TINAG: variants seen among roughly 807,000 people sequenced by gnomAD.
TINAG encodes the protein tubulointerstitial nephritis antigen.
A neutral mutation model predicts 72.7 loss-of-function variants in TINAG; 83 were observed. That is an observed-to-expected ratio of 1.14 (90% CI 0.96 to 1.37). TINAG has a LOEUF of 1.37. TINAG is among the 40% of genes most tolerant of loss of function. The pLI is 0.00. For synonymous variants in TINAG, 234 were observed against 189.9 expected (o/e 1.23, Z -1.91); for missense variants, 685 against 576.6 (o/e 1.19, Z -1.93).
At chr6:54,315,041 A>G (rs1281832798) in intron 1 of TINAG, among the ~76,000 whole-genome samples, 2 of 152,146 alleles carry the variant, frequency 1.3e-5, no homozygotes, top group Admixed American at 6.6e-5. Context: ...CAATATTGAA[A>G]AAATGTGCAA....
intron 9 of TINAG, among the ~76,000 whole-genome samples, chr6:54,373,962 A>G (rs971485184): frequency 6.6e-6 from 1 of 152,114 alleles, no homozygotes; most frequent in African/African-American, 2.4e-5. Flanking sequence ...CACATGTCAC[A>G]TTGTTGTAGA....
chr6:54,387,799 C>G (rs1008997653), intron 10 of TINAG, among the ~76,000 whole-genome samples: 2 of 151,982 alleles, frequency 1.3e-5, no homozygotes, highest in Non-Finnish European at 2.9e-5. Flanking sequence ...TAAATACAAA[C>G]AAATGTAGGC....
chr6:54,332,720 C>T (rs1465091281), intron 4 of TINAG, among the ~76,000 whole-genome samples: 1 of 152,170 alleles, frequency 6.6e-6, no homozygotes, highest in Non-Finnish European at 1.5e-5. Flanking sequence ...GTCTATCCAT[C>T]TGACAAAGGA....
chr6:54,339,152 TTG>T (rs1301818802), intron 4 of TINAG, among the ~76,000 whole-genome samples: 7 of 152,278 alleles, frequency 4.6e-5, no homozygotes, highest in Admixed American at 1.3e-4. Flanking sequence ...TTAATGGCAA[TTG>T]TGTGTGCTGT....
chr6:54,343,639 T>C (rs1275355092), intron 5 of TINAG, among the ~76,000 whole-genome samples: 1 of 151,706 alleles, frequency 6.6e-6, no homozygotes, highest in African/African-American at 2.4e-5. Context: ...TAAGGCCAAA[T>C]AATAAAAAAG....
intron 10 of TINAG, among the ~76,000 whole-genome samples, chr6:54,389,369 A>T (rs1442539656): frequency 6.6e-6 from 1 of 152,182 alleles, no homozygotes; most frequent in East Asian, 1.9e-4. Flanking sequence ...TTTTCACCTT[A>T]GCACTTGCCT....
chr6:54,319,310 A>G, intron 1 of TINAG, among the ~76,000 whole-genome samples: 1 of 152,210 alleles, frequency 6.6e-6, no homozygotes, highest in East Asian at 1.9e-4. Context: ...TCTTTAAATT[A>G]GAAACATACT....
At chr6:54,371,110 CTGTGTGTG>C (rs70983416) in intron 9 of TINAG, among the ~76,000 whole-genome samples, 12 of 148,980 alleles carry the variant, frequency 8.1e-5, no homozygotes, top group African/African-American at 1.2e-4. Context: ...CTTACGAAAA[CTGTGTGTG>C]TGTGTGTGTG....
Position 54,320,577 on chromosome 6 carries a change from A to G in TINAG, c.356-2A>G. The stretch of plus-strand genomic sequence containing the variant: ...TCATTTCTTTACATGTTACTTTGAC[A>G]GGTTGCTTCAAAGATGGTCAACATT... On this transcript the variant is annotated splice_acceptor_variant, in intron 1 of 10. Coordinates refer to ENST00000259782, the MANE Select transcript of TINAG (RefSeq NM_014464.4). LOFTEE classifies it high-confidence loss of function. 6.3e-7 allele frequency: 1 copy of G among 1,594,270 alleles called. No homozygotes were observed. The highest frequency in any genetic ancestry group is 1.7e-5 in the Admixed American group (1 of 58,444).
chr6:54,361,461 G>A (rs1763235194), intron 9 of TINAG, among the ~76,000 whole-genome samples: 1 of 148,906 alleles, frequency 6.7e-6, no homozygotes, highest in Non-Finnish European at 1.5e-5. Context: ...AGAGAGAAGA[G>A]GGAAGTGCTA....
chr6:54,308,162 G>T, upstream of TINAG: 1 of 1,530,776 alleles, frequency 6.5e-7, no homozygotes, highest in East Asian at 2.5e-5. Context: ...GGTTATTACA[G>T]CCATAATCTG....
chr6:54,343,303 A>G lies in TINAG; in HGVS notation c.702A>G (p.Pro234=), dbSNP rs764790025. 1 of 1,570,318 alleles carries G rather than the reference A, an allele frequency of 6.4e-7. No individual in the cohort carries two copies. ...SYKWPGWTHG[P]LDQKNCAASW... Reference sequence around the variant, plus strand: ...AATGGCCTGGATGGACTCATGGCCCATTGGATCAAAAAAATTGTGCTGCAT... The same window carrying G: ...AATGGCCTGGATGGACTCATGGCCCGTTGGATCAAAAAAATTGTGCTGCAT... The change falls in exon 5 of 11, where the codon CCA becomes CCG. Residue 234 remains proline (P), a synonymous_variant. Coordinates refer to ENST00000259782, the MANE Select transcript of TINAG (RefSeq NM_014464.4).
At chr6:54,308,342 T>TATG (rs1784158103), upstream of TINAG, 2 of 637,026 alleles carry the variant, frequency 3.1e-6, no homozygotes, top group Non-Finnish European at 5.3e-6. Flanking sequence ...ATAACAATAG[T>TATG]TTATTTCTAA....
chr6:54,349,961 C>A, intron 7 of TINAG, 65 bp downstream of exon 7: 1 of 1,104,300 alleles, frequency 9.1e-7, no homozygotes, highest in South Asian at 3.3e-5. Context: ...TCTACTGTAA[C>A]TAAAACAATT....
chr6:54,357,219 T>C (rs547548219), intron 9 of TINAG, among the ~76,000 whole-genome samples: 1 of 152,022 alleles, frequency 6.6e-6, no homozygotes, highest in African/African-American at 2.4e-5. Flanking sequence ...TTTGCTGCAT[T>C]TTCCCCCCTG....
At chr6:54,374,425 A>G (rs957620383) in intron 9 of TINAG, among the ~76,000 whole-genome samples, 1 of 152,076 alleles carries the variant, frequency 6.6e-6, no homozygotes, top group African/African-American at 2.4e-5. Flanking sequence ...GAATGCCCAC[A>G]TTTCATGTTG....
intron 9 of TINAG, among the ~76,000 whole-genome samples, chr6:54,380,233 T>C (rs1763905129): frequency 6.7e-6 from 1 of 148,492 alleles, no homozygotes; most frequent in Non-Finnish European, 1.5e-5. Context: ...TTTAAGTCCT[T>C]TTAAAAACTT....
At chr6:54,368,383 T>C (rs1054483651) in intron 9 of TINAG, among the ~76,000 whole-genome samples, 7 of 148,400 alleles carry the variant, frequency 4.7e-5, no homozygotes, top group Non-Finnish European at 1.0e-4. Flanking sequence ...TTAATTATTA[T>C]TATACATTAT....
chr6:54,349,804 G>A lies in TINAG; in HGVS notation c.988G>A (p.Gly330Arg), dbSNP rs1785218544. 2 of 1,609,360 alleles carry A rather than the reference G, an allele frequency of 1.2e-6. No homozygotes were observed. Among genetic ancestry groups the A allele is most frequent in the East Asian group, 4.5e-5 (2 of 44,646 alleles). Residue 330 changes from glycine (G) to arginine (R), a missense_variant, in exon 7 of 11, where the codon GGA (glycine) becomes AGA (arginine). Coordinates refer to ENST00000259782, the MANE Select transcript of TINAG (RefSeq NM_014464.4). ...CAMASRSDGR[G>R]KRHATKPCPN... ...CATGGCAAGCAGGTCTGATGGGCGA[G>A]GAAAACGGCATGCCACGAAGCCATG... is the stretch of plus-strand genomic sequence containing the variant.
Sources: gnomAD v4.1 joint callset for allele counts (sites outside exome capture counted in the v4.1 genomes callset) on GRCh38, gnomAD v4.1.1 for gene constraint, MANE v1.5 for transcripts, NCBI Gene and HGNC (gene_info 2026-07-23, HGNC 2026-07-21) for gene names.